Variants in TXNRD2 observed in about 807,000 individuals in gnomAD.
TXNRD2 encodes the protein thioredoxin reductase 2, mitochondrial.
In TXNRD2, 67 loss-of-function variants were observed where a neutral mutation model predicts 70.8. That is an observed-to-expected ratio of 0.95 (90% CI 0.78 to 1.16). The LOEUF (loss-of-function observed/expected upper bound fraction) is 1.16, where lower values mean the gene tolerates loss of function less well. Ranked by LOEUF, TXNRD2 falls within the 50% of genes most tolerant of loss-of-function variation. The pLI, the probability that TXNRD2 is intolerant of heterozygous loss-of-function variation, is 0.00. For missense variants in TXNRD2, 644 were observed against 719.9 expected, an observed-to-expected ratio of 0.89 and a Z score of 1.21; for synonymous variants, 301 against 295.8, an observed-to-expected ratio of 1.02 and a Z score of -0.18.
chr22:19,898,184 A>G, intron 9 of TXNRD2, 54 bp from the exon 10 acceptor site: 2 of 1,493,398 alleles, frequency 1.3e-6, no homozygotes, highest in Non-Finnish European at 1.8e-6. Context: ...AAATGATGGG[A>G]CAACACCCCA....
chr22:19,931,234 T>C (rs1941348586), intron 1 of TXNRD2, 136 bp from the exon 2 acceptor site: 1 of 797,656 alleles, frequency 1.3e-6, no homozygotes, highest in African/African-American at 1.7e-5. Context: ...GCAGAAAGAG[T>C]GACTCGATAC....
In TXNRD2 at chr22:19,878,389, C is replaced by T. The variant is rs773391538; in HGVS notation, c.1324G>A (p.Asp442Asn). Residue 442 changes from aspartate (D) to asparagine (N), a missense_variant, in exon 15 of 18, where the codon GAT becomes AAT. By Grantham distance (23) the Asp-to-Asn change is conservative. Around this residue, in one of 3 missense-constraint regions of TXNRD2, gnomAD observed 566 missense variants for 645.0 expected, o/e 0.88. Coordinates refer to ENST00000400521, the MANE Select transcript of TXNRD2 (RefSeq NM_006440.5). ...ACCTTTACATAACACTGGGATGCAT[C>T]TCGTCCAGCCACCGTGAACTCCAGT... ...KPLEFTVAGR[D>N]ASQCYVKMVC... 4 of 1,613,846 alleles carry T rather than the reference C, an allele frequency of 2.5e-6. No homozygotes were observed. The South Asian group carries it at 4.4e-5, about 18-fold the overall frequency.
At chr22:19,941,611 G>A in intron 1 of TXNRD2, 90 bp downstream of exon 1, 1 of 1,354,470 alleles carries the variant, frequency 7.4e-7, no homozygotes, top group Non-Finnish European at 9.4e-7. Context: ...CCCCCACGGG[G>A]ACACCCTGGC....
chr22:19,878,934 G>C (rs1392299687), intron 14 of TXNRD2, among the ~76,000 whole-genome samples: 2 of 152,204 alleles, frequency 1.3e-5, no homozygotes, highest in South Asian at 2.1e-4. Flanking sequence ...TGAAGGGCTC[G>C]ACAGCGTGTC....
chr22:19,923,002 T>C (rs1161600073), intron 2 of TXNRD2, among the ~76,000 whole-genome samples: 4 of 152,180 alleles, frequency 2.6e-5, no homozygotes, highest in African/African-American at 4.8e-5. Context: ...GGATATTATA[T>C]GCAATTTGTT....
intron 11 of TXNRD2, among the ~76,000 whole-genome samples, chr22:19,884,892 C>T (rs1011838449): frequency 1.3e-5 from 2 of 152,200 alleles, no homozygotes; most frequent in Admixed American, 6.5e-5. Flanking sequence ...GCCTGGCACA[C>T]AGTCCCAGCC....
intron 11 of TXNRD2, 135 bp downstream of exon 11, chr22:19,895,272 G>A (rs1267883646): frequency 1.3e-6 from 2 of 1,591,788 alleles, no homozygotes; most frequent in Admixed American, 1.7e-5. Flanking sequence ...CTCTCGAGGT[G>A]CACTGGGGAG....
rs563247254 is a variant in TXNRD2 at position 19,922,127 on chromosome 22, A to C, written c.173-2528T>G. On this transcript the variant is annotated intron_variant, in intron 2 of 17. Coordinates refer to ENST00000400521, the MANE Select transcript of TXNRD2 (RefSeq NM_006440.5). ...CATTCAACCAAAAATTACCAGTCAC[A>C]CAAAGAAGCAGGAAAATACACCTAT... Among the ~76,000 whole-genome samples the C allele has an allele frequency of 2.6e-5, 4 of 152,364 alleles. No homozygotes were observed. The South Asian group carries it at 8.3e-4, about 32-fold the overall frequency.
intron 11 of TXNRD2, among the ~76,000 whole-genome samples, chr22:19,889,891 A>G (rs934213426): frequency 7.4e-5 from 11 of 148,550 alleles, no homozygotes; most frequent in Non-Finnish European, 1.6e-4. Context: ...TCTCTAGAAG[A>G]CTTTTCACCA....
chr22:19,905,637 T>C lies in TXNRD2; in HGVS notation c.662+5740A>G, dbSNP rs192092631. On this transcript the variant is annotated intron_variant, in intron 8 of 17. Transcript: ENST00000400521. ...ACATCGAGGGGCCCAGCAGACATCC[T>C]GGGGCTGCCAGACATCCAAGGCCAT... Among the ~76,000 whole-genome samples, 640 of 152,234 alleles carry C rather than the reference T, an allele frequency of 4.2e-3. 2 individuals carry two copies. The highest frequency in any genetic ancestry group is 0.014 in the African/African-American group (598 of 41,542).
chr22:19,920,498 G>A (rs552340228), intron 2 of TXNRD2, among the ~76,000 whole-genome samples: 75 of 152,072 alleles, frequency 4.9e-4, no homozygotes, highest in African/African-American at 1.7e-3. Context: ...CAAGAGAATC[G>A]TTTGAGCCCA....
At chr22:19,922,476 A>G (rs1274793646) in intron 2 of TXNRD2, among the ~76,000 whole-genome samples, 1 of 152,176 alleles carries the variant, frequency 6.6e-6, no homozygotes, top group African/African-American at 2.4e-5. Context: ...GAAGAAATTA[A>G]CATGTTAAAA....
chr22:19,907,766 G>GGT (rs1355651066), intron 8 of TXNRD2, among the ~76,000 whole-genome samples: 2 of 39,672 alleles, frequency 5.0e-5, no homozygotes, highest in African/African-American at 9.0e-5. Flanking sequence ...GGAGAGTGTG[G>GGT]GCGCCGTGGG....
At chr22:19,902,583 C>T (rs1245255779) in intron 8 of TXNRD2, among the ~76,000 whole-genome samples, 1 of 152,214 alleles carries the variant, frequency 6.6e-6, no homozygotes, top group African/African-American at 2.4e-5. Flanking sequence ...CTACGAAGGC[C>T]TCCTTCCCCG....
intron 1 of TXNRD2, among the ~76,000 whole-genome samples, chr22:19,932,808 AC>A (rs113919066): frequency 0.012 from 1,787 of 152,306 alleles, 39 homozygotes; most frequent in African/African-American, 0.04. Flanking sequence ...GGTCTGTCAT[AC>A]AAGGCTGGGC....
intron 12 of TXNRD2, chr22:19,881,075 T>C: frequency 2.2e-6 from 1 of 463,432 alleles, no homozygotes; most frequent in Non-Finnish European, 3.8e-6. Context: ...AAAGAGCCCC[T>C]GCTACCGTTT....
intron 1 of TXNRD2, 59 bp downstream of exon 1, chr22:19,941,642 C>T: frequency 1.4e-6 from 2 of 1,405,806 alleles, no homozygotes; most frequent in South Asian, 3.1e-5. Flanking sequence ...CGGACACCCT[C>T]ACGAGGACAC....
chr22:19,927,995 C>G (rs1467093544), intron 2 of TXNRD2, among the ~76,000 whole-genome samples: 1 of 151,736 alleles, frequency 6.6e-6, no homozygotes, highest in African/African-American at 2.4e-5. Flanking sequence ...GGCCAGGCAC[C>G]GTGGCTCATT....
chr22:19,919,634 G>C (rs1358131820), intron 2 of TXNRD2, 35 bp from the exon 3 acceptor site: 1 of 1,525,420 alleles, frequency 6.6e-7, no homozygotes, highest in Admixed American at 2.0e-5. Context: ...GTGAGCATGG[G>C]GAGCTGGCTC....
Sources: gnomAD v4.1 joint callset for allele counts (sites outside exome capture counted in the v4.1 genomes callset) on GRCh38, gnomAD v4.1.1 for gene constraint, gnomAD v4.1.1 regional missense constraint, MANE v1.5 for transcripts, NCBI Gene and HGNC (gene_info 2026-07-23, HGNC 2026-07-21) for gene names.